MTHFD2L: variants seen among roughly 807,000 people sequenced by gnomAD.
The protein encoded by MTHFD2L is bifunctional methylenetetrahydrofolate dehydrogenase/cyclohydrolase 2, mitochondrial.
Under a neutral mutation model 34.9 loss-of-function variants are expected in MTHFD2L, and 29 were observed. The observed-to-expected ratio is 0.83, with a 90% confidence interval of 0.62 to 1.13. The LOEUF is 1.13. Among genes scored for constraint, MTHFD2L ranks in the 50% most tolerant of loss-of-function variants. MTHFD2L has a pLI of 0.00. For synonymous variants in MTHFD2L, 167 were observed against 155.7 expected (o/e 1.07, Z -0.54); for missense variants, 481 against 446.5 (o/e 1.08, Z -0.70).
chr4:74,125,982 G>C (rs1380660123), intron 1 of MTHFD2L, among the ~76,000 whole-genome samples: 3 of 152,092 alleles, frequency 2.0e-5, no homozygotes, highest in African/African-American at 4.8e-5. Flanking sequence ...CATCTGATCT[G>C]CACCACTTCA....
rs561516982 is a variant in MTHFD2L, at chr4:74,126,943, C to T, written c.-297+1426C>T. On this transcript the variant is annotated intron_variant, in intron 1 of 7. Coordinates refer to the MTHFD2L transcript ENST00000433372. The stretch of plus-strand genomic sequence containing the variant: ...GGGACCCGGTGGGAGGTAATTGAAT[C>T]ATGGGGGCGATTTCCCCCATGTCGT... Among the ~76,000 whole-genome samples the T allele has an allele frequency of 4.6e-5, 7 of 152,080 alleles. No individual in the cohort carries two copies. The South Asian group carries it at 1.5e-3, about 32-fold the overall frequency.
intron 1 of MTHFD2L, among the ~76,000 whole-genome samples, chr4:74,158,643 T>G (rs1724713766): frequency 6.6e-6 from 1 of 152,246 alleles, no homozygotes; most frequent in South Asian, 2.1e-4. Context: ...GTTTCGTAAA[T>G]AAAGGAGTAG....
intron 5 of MTHFD2L, among the ~76,000 whole-genome samples, chr4:74,207,766 C>CTT (rs768932793): frequency 5.4e-5 from 7 of 128,468 alleles, no homozygotes; most frequent in African/African-American, 2.1e-4. Flanking sequence ...TGAAAAAGAA[C>CTT]TTTTTTTTTT....
chr4:74,261,034 T>G (rs758522292), intron 6 of MTHFD2L, among the ~76,000 whole-genome samples: 5 of 151,662 alleles, frequency 3.3e-5, no homozygotes, highest in Non-Finnish European at 7.4e-5. Flanking sequence ...ATATATATAC[T>G]CTGTTGTAAA....
intron 6 of MTHFD2L, among the ~76,000 whole-genome samples, chr4:74,244,627 C>T (rs1742162466): frequency 6.6e-6 from 1 of 152,052 alleles, no homozygotes; most frequent in African/African-American, 2.4e-5. Context: ...TGCTATTTTC[C>T]AAATAAGCAA....
upstream of MTHFD2L, among the ~76,000 whole-genome samples, chr4:74,156,016 CT>C (rs150279935): frequency 0.024 from 3,610 of 151,668 alleles, 132 homozygotes; most frequent in African/African-American, 0.081. Flanking sequence ...CTATGCAAGT[CT>C]TGTGGAGAAT....
intron 3 of MTHFD2L, among the ~76,000 whole-genome samples, chr4:74,178,612 C>T (rs979204090): frequency 1.3e-5 from 2 of 151,334 alleles, no homozygotes; most frequent in African/African-American, 4.9e-5. Context: ...AAAGTGACCA[C>T]AGTGATTAAA....
intron 3 of MTHFD2L, among the ~76,000 whole-genome samples, chr4:74,179,602 G>A (rs183156006): frequency 2.0e-5 from 3 of 151,994 alleles, no homozygotes; most frequent in East Asian, 1.9e-4. Flanking sequence ...ACTTAACTTT[G>A]ATGAGTCTTA....
At chr4:74,139,413 T>C (rs978005267) in intron 1 of MTHFD2L, among the ~76,000 whole-genome samples, 1 of 152,184 alleles carries the variant, frequency 6.6e-6, no homozygotes, top group African/African-American at 2.4e-5. Flanking sequence ...AGTGCTGCCT[T>C]CTCCGTTTGT....
At chr4:74,131,351 T>C (rs577819241) in intron 1 of MTHFD2L, among the ~76,000 whole-genome samples, 115 of 152,200 alleles carry the variant, frequency 7.6e-4, no homozygotes, top group Admixed American at 1.8e-3. Flanking sequence ...AAGTCCACAG[T>C]AATCAAAACA....
chr4:74,145,308 G>T (rs1421900050), intron 1 of MTHFD2L, among the ~76,000 whole-genome samples: 1 of 152,152 alleles, frequency 6.6e-6, no homozygotes, highest in Non-Finnish European at 1.5e-5. Flanking sequence ...CATATACATT[G>T]TATTGATATT....
At chr4:74,188,602 T>C (rs1731774528) in intron 3 of MTHFD2L, among the ~76,000 whole-genome samples, 1 of 151,832 alleles carries the variant, frequency 6.6e-6, no homozygotes, top group African/African-American at 2.4e-5. Flanking sequence ...GAGGAAAGGA[T>C]TATGAAGAGA....
chr4:74,298,282 A>C (rs1749870542), intron 7 of MTHFD2L, among the ~76,000 whole-genome samples: 1 of 152,052 alleles, frequency 6.6e-6, no homozygotes, highest in Non-Finnish European at 1.5e-5. Flanking sequence ...AATGTTTATT[A>C]ATGTTCAGAG....
chr4:74,196,249 C>A (rs568900821), intron 3 of MTHFD2L, among the ~76,000 whole-genome samples: 1 of 151,616 alleles, frequency 6.6e-6, no homozygotes, highest in Admixed American at 6.6e-5. Flanking sequence ...GGCAATTGAT[C>A]AATGCATTGA....
chr4:74,196,086 CTG>C (rs769000336), intron 3 of MTHFD2L, among the ~76,000 whole-genome samples: 1 of 151,994 alleles, frequency 6.6e-6, no homozygotes, highest in Non-Finnish European at 1.5e-5. Flanking sequence ...TTAAGACAGA[CTG>C]TGTCCTAAAA....
chr4:74,288,624 T>C (rs1045178648), intron 7 of MTHFD2L, among the ~76,000 whole-genome samples: 3 of 152,194 alleles, frequency 2.0e-5, no homozygotes, highest in African/African-American at 7.2e-5. Flanking sequence ...ATCTCGTCAT[T>C]GTCTGATTGC....
upstream of MTHFD2L, chr4:74,156,604 G>T (rs1265458389): frequency 1.3e-5 from 2 of 152,190 alleles, no homozygotes; most frequent in East Asian, 3.8e-4. Flanking sequence ...ATGGTTAAAT[G>T]ATATTTAGCT....
intron 6 of MTHFD2L, among the ~76,000 whole-genome samples, chr4:74,246,589 T>C (rs1308314415): frequency 6.6e-6 from 1 of 152,204 alleles, no homozygotes; most frequent in Non-Finnish European, 1.5e-5. Flanking sequence ...CTAGGTTTTC[T>C]TCTAGGGTTT....
chr4:74,145,412 C>A lies in MTHFD2L; in HGVS notation c.-296-14643C>A, dbSNP rs567781032. ...ATTTTATATAAAAAGACTTTAGTAT[C>A]CTTGAGATTTGGTATCTGTCGGGGA... is the stretch of plus-strand genomic sequence containing the variant. On this transcript the variant is annotated intron_variant, in intron 1 of 7. Transcript: ENST00000433372. Among the ~76,000 whole-genome samples, 4 of 152,178 alleles carry A rather than the reference C, an allele frequency of 2.6e-5. No individual in the cohort carries two copies. In the South Asian group the frequency reaches 8.3e-4, roughly 32 times the overall value.
Sources: gnomAD v4.1 joint callset for allele counts (sites outside exome capture counted in the v4.1 genomes callset) on GRCh38, gnomAD v4.1.1 for gene constraint, MANE v1.5 for transcripts, NCBI Gene and HGNC (gene_info 2026-07-23, HGNC 2026-07-21) for gene names.